Variants in THSD7B observed in about 807,000 individuals in gnomAD.
THSD7B encodes thrombospondin type 1 domain containing 7B.
In THSD7B, 138 loss-of-function variants were observed where a neutral mutation model predicts 213.6. The observed-to-expected ratio is 0.65, with a 90% CI of 0.56 to 0.74. The LOEUF is 0.74. Ranked by LOEUF, THSD7B falls within the 30% of genes least tolerant of loss-of-function variation. The pLI is 0.00. For synonymous variants in THSD7B, 742 were observed against 687.0 expected, an observed-to-expected ratio of 1.08 and a Z score of -1.25; for missense variants, 1,931 against 1,991.5, an observed-to-expected ratio of 0.97 and a Z score of 0.58.
intron 14 of THSD7B, among the ~76,000 whole-genome samples, chr2:137,448,836 C>CAACAACA (rs765115799): frequency 4.7e-5 from 7 of 147,478 alleles, no homozygotes; most frequent in South Asian, 2.1e-4. Context: ...ACAACAACAA[C>CAACAACA]AAAAACTACC....
intron 12 of THSD7B, among the ~76,000 whole-genome samples, chr2:137,402,599 T>G (rs1372016835): frequency 1.3e-5 from 2 of 151,918 alleles, no homozygotes; most frequent in African/African-American, 4.8e-5. Flanking sequence ...GGCAGATCAC[T>G]TGAGGTCAAG....
At chr2:137,558,577 G>A (rs1681036861) in intron 15 of THSD7B, among the ~76,000 whole-genome samples, 2 of 152,122 alleles carry the variant, frequency 1.3e-5, no homozygotes. Context: ...AATACTAAGA[G>A]CTGTTTATGA....
At chr2:136,788,923 C>T (rs868242090) in intron 1 of THSD7B, among the ~76,000 whole-genome samples, 3 of 151,880 alleles carry the variant, frequency 2.0e-5, no homozygotes, top group African/African-American at 4.8e-5. Context: ...TGGAAGTTTC[C>T]GGATATAGGT....
intron 1 of THSD7B, among the ~76,000 whole-genome samples, chr2:136,872,834 A>AAAAAAAAC: frequency 7.1e-6 from 1 of 139,912 alleles, no homozygotes; most frequent in Non-Finnish European, 1.5e-5. Flanking sequence ...AAAAAAAAAA[A>AAAAAAAAC]AAAAGCCAGG....
At position 137,480,804 on chromosome 2, in the gene THSD7B, A is replaced by G. The variant is rs552422018; in HGVS notation, c.3138+29781A>G. Among the ~76,000 whole-genome samples the G allele has an allele frequency of 8.5e-5, 13 of 152,404 alleles. No individual in the cohort carries two copies. In the South Asian group the frequency reaches 2.7e-3, roughly 32 times the overall value. On this transcript the variant is annotated intron_variant, in intron 15 of 27. Transcript: ENST00000409968. ...TTCTCTAGACTTTTTAAAAAAGACA[A>G]CCTTGTAAATCTTTGAAATCAAATC...
Position 137,455,606 on chromosome 2 carries a change from G to A in THSD7B, c.3138+4583G>A, listed in dbSNP as rs942861103. 4.6e-5 allele frequency among the ~76,000 whole-genome samples: 7 copies of A among 152,260 alleles called. No individual in the cohort carries two copies. The East Asian group carries it at 5.8e-4, about 13-fold the overall frequency. On this transcript the variant is annotated intron_variant, in intron 15 of 27. Coordinates refer to ENST00000409968, the MANE Select transcript of THSD7B (RefSeq NM_001316349.2). ...AAGTGCCTAAATGACAGCAATACTC[G>A]AGTAGCTTTCTGCTAAGTATATTTG...
chr2:136,956,181 T>C (rs999670915), intron 2 of THSD7B, among the ~76,000 whole-genome samples: 1 of 152,226 alleles, frequency 6.6e-6, no homozygotes, highest in Non-Finnish European at 1.5e-5. Flanking sequence ...GGAAGCTAAC[T>C]GCATGAATCC....
At chr2:136,953,636 C>T (rs1228425942) in intron 2 of THSD7B, among the ~76,000 whole-genome samples, 1 of 152,128 alleles carries the variant, frequency 6.6e-6, no homozygotes, top group Non-Finnish European at 1.5e-5. Context: ...AGAGAAATGA[C>T]CCCAGGACCA....
At chr2:137,423,229 G>GA (rs1263977834) in intron 14 of THSD7B, among the ~76,000 whole-genome samples, 2 of 151,954 alleles carry the variant, frequency 1.3e-5, no homozygotes, top group African/African-American at 4.8e-5. Context: ...TGAGATCAGG[G>GA]AAAAAACAAG....
intron 4 of THSD7B, among the ~76,000 whole-genome samples, chr2:137,097,149 AT>A (rs919328488): frequency 2.1e-4 from 31 of 148,216 alleles, no homozygotes; most frequent in Admixed American, 6.7e-4. Context: ...TCTATCCTTC[AT>A]TTTTTTTTTC....
chr2:136,889,860 C>T (rs893841379), intron 2 of THSD7B, among the ~76,000 whole-genome samples: 1 of 152,140 alleles, frequency 6.6e-6, no homozygotes, highest in African/African-American at 2.4e-5. Flanking sequence ...TGTTCTGTTT[C>T]TCTTCTTTGC....
At chr2:137,568,920 C>T (rs1315976758) in intron 16 of THSD7B, among the ~76,000 whole-genome samples, 2 of 152,144 alleles carry the variant, frequency 1.3e-5, no homozygotes, top group African/African-American at 4.8e-5. Flanking sequence ...CAAAGATGTC[C>T]ACATCCTAAT....
At chr2:137,651,250 A>T (rs1389957274) in intron 21 of THSD7B, among the ~76,000 whole-genome samples, 1 of 151,972 alleles carries the variant, frequency 6.6e-6, no homozygotes, top group Non-Finnish European at 1.5e-5. Flanking sequence ...CAGTTTTCTT[A>T]CTTGTTACTC....
At chr2:137,481,769 C>T (rs1035021825) in intron 15 of THSD7B, among the ~76,000 whole-genome samples, 16 of 152,094 alleles carry the variant, frequency 1.1e-4, no homozygotes, top group African/African-American at 3.4e-4. Context: ...TTGGAGAATA[C>T]AAAAATATAA....
intron 15 of THSD7B, among the ~76,000 whole-genome samples, chr2:137,475,208 A>G (rs1688168933): frequency 6.6e-6 from 1 of 152,282 alleles, no homozygotes; most frequent in South Asian, 2.1e-4. Context: ...GAAAATTGAT[A>G]TATAATGTTT....
chr2:137,639,896 TG>T (rs1682906244), intron 20 of THSD7B, among the ~76,000 whole-genome samples: 1 of 152,222 alleles, frequency 6.6e-6, no homozygotes, highest in Admixed American at 6.5e-5. Flanking sequence ...GTAACTAGCT[TG>T]CTTTTGATTT....
At chr2:137,264,459 G>A (rs1196287981) in intron 10 of THSD7B, among the ~76,000 whole-genome samples, 4 of 151,834 alleles carry the variant, frequency 2.6e-5, no homozygotes, top group South Asian at 2.1e-4. Flanking sequence ...TGTGTTAGCC[G>A]GGATGGTCTC....
chr2:137,591,118 T>C, intron 17 of THSD7B, among the ~76,000 whole-genome samples: 1 of 151,964 alleles, frequency 6.6e-6, no homozygotes, highest in East Asian at 1.9e-4. Flanking sequence ...CCTTTGGTAA[T>C]CTATTTTCAA....
chr2:137,360,883 G>A (rs1685240507), intron 12 of THSD7B, among the ~76,000 whole-genome samples: 1 of 152,164 alleles, frequency 6.6e-6, no homozygotes, highest in Non-Finnish European at 1.5e-5. Context: ...TGAGCTCTGA[G>A]AATGGACAGA....
Sources: gnomAD v4.1 joint callset for allele counts (sites outside exome capture counted in the v4.1 genomes callset) on GRCh38, gnomAD v4.1.1 for gene constraint, MANE v1.5 for transcripts, NCBI Gene and HGNC (gene_info 2026-07-23, HGNC 2026-07-21) for gene names.